Variants in ACTR5 observed in about 807,000 individuals in gnomAD.
The protein encoded by ACTR5 is actin related protein 5.
Under a neutral mutation model 61.2 loss-of-function variants are expected in ACTR5, and 43 were observed. The observed-to-expected ratio is 0.70, with a 90% CI of 0.55 to 0.91. The LOEUF is 0.91. ACTR5 is among the 40% of genes least tolerant of loss of function. The pLI is 0.00. For missense variants in ACTR5, 798 were observed against 782.2 expected (o/e 1.02, Z -0.24); for synonymous variants, 333 against 310.5 (o/e 1.07, Z -0.76).
At position 38,748,769 on chromosome 20, in the gene ACTR5, CT is replaced by C; in HGVS notation, c.293del (p.Phe98SerfsTer35). ...EPLRWMLRSP[F>X]DRNVPVNLEL... ...CACTGCGCTGGATGCTGCGCTCGCC[CT>C]TCGACCGCAACGTGCCGGTCAACCT... On this transcript the variant is annotated frameshift_variant, in exon 1 of 9. Transcript: ENST00000243903. LOFTEE classifies it high-confidence loss of function. The C allele has an allele frequency of 1.2e-6, 2 of 1,606,042 alleles. No individual in the cohort carries two copies. The highest frequency in any genetic ancestry group is 1.7e-6 in the Non-Finnish European group (2 of 1,177,714).
rs764874419 is a variant in ACTR5, at chr20:38,772,015, G to C, written c.*199G>C. 100 of 716,046 alleles carry C rather than the reference G, an allele frequency of 1.4e-4. No individual in the cohort carries two copies. The highest frequency in any genetic ancestry group is 2.1e-4 in the Non-Finnish European group (92 of 447,766). The allele number at this position is 716,046 out of a possible 1,614,324, so 44.4% of individuals were successfully genotyped here. Reference sequence around the variant, plus strand: ...GAATTCGGTTCACTTGGGGGCTTCTGTGGTAGAGACTAACTGGCCTTCTGA... The same window carrying C: ...GAATTCGGTTCACTTGGGGGCTTCTCTGGTAGAGACTAACTGGCCTTCTGA... On this transcript the variant is annotated 3_prime_UTR_variant, in exon 9 of 9. Coordinates refer to ENST00000243903, the MANE Select transcript of ACTR5 (RefSeq NM_024855.4).
Position 38,758,729 on chromosome 20 carries a change from CAG to C in ACTR5, c.1176+2693_1176+2694del, listed in dbSNP as rs1331966952. Among the ~76,000 whole-genome samples, 27 of 152,116 alleles carry C rather than the reference CAG, an allele frequency of 1.8e-4. 1 individual carries two copies. The highest frequency in any genetic ancestry group is 6.8e-3 in the Middle Eastern group (2 of 292). Reference sequence around the variant, plus strand: ...GCATTTTAGGGTAATTCTTAATGATCAGAGTCAATTACAGTCACATTTGTGGG... The same window carrying C: ...GCATTTTAGGGTAATTCTTAATGATCAGTCAATTACAGTCACATTTGTGGG... On this transcript the variant is annotated intron_variant, in intron 5 of 8. Transcript: ENST00000243903.
intron 3 of ACTR5, among the ~76,000 whole-genome samples, chr20:38,753,723 C>T (rs2084400592): frequency 6.6e-6 from 1 of 152,056 alleles, no homozygotes; most frequent in South Asian, 2.1e-4. Context: ...ATTCAGTCAA[C>T]CTCTATTTAA....
chr20:38,752,360 T>C (rs1601193911), intron 3 of ACTR5, 60 bp downstream of exon 3: 1 of 1,507,792 alleles, frequency 6.6e-7, no homozygotes, highest in Non-Finnish European at 8.9e-7. Context: ...ATTCCTTAAA[T>C]TATTGCCAGC....
chr20:38,756,068 C>G (rs991011901), intron 5 of ACTR5, 29 bp downstream of exon 5: 1 of 1,588,516 alleles, frequency 6.3e-7, no homozygotes, highest in East Asian at 2.2e-5. Flanking sequence ...AGGAGCAGCC[C>G]TTCTTGAGGG....
At chr20:38,768,052 A>G (rs193035476) in intron 8 of ACTR5, among the ~76,000 whole-genome samples, 68 of 152,304 alleles carry the variant, frequency 4.5e-4, no homozygotes, top group African/African-American at 1.3e-3. Context: ...CAGAGCCCAC[A>G]CTGCAGAGCC....
intron 2 of ACTR5, 98 bp from the exon 3 acceptor site, chr20:38,752,033 T>C: frequency 7.3e-7 from 1 of 1,369,488 alleles, no homozygotes; most frequent in Non-Finnish European, 1.0e-6. Flanking sequence ...CTGGTCTGTT[T>C]CTTCTTTATC....
In ACTR5 at chr20:38,772,169, TA is replaced by T. The variant is rs911928404; in HGVS notation, c.*361del. On this transcript the variant is annotated 3_prime_UTR_variant, in exon 9 of 9. Transcript: ENST00000243903. ...TACCACATTTTAGTCTTTCTTGTTT[TA>T]AAAAAAATTCTTTAAAATTTATCTT... 4 of 236,390 alleles carry T rather than the reference TA, an allele frequency of 1.7e-5. No homozygotes were observed. Among genetic ancestry groups the T allele is most frequent in the Non-Finnish European group, 2.5e-5 (3 of 120,332 alleles). 14.6% of individuals were successfully genotyped at this position (236,390 alleles called of 1,614,324 possible).
At chr20:38,771,244 A>T (rs866483752) in intron 8 of ACTR5, among the ~76,000 whole-genome samples, 1 of 152,152 alleles carries the variant, frequency 6.6e-6, no homozygotes, top group Non-Finnish European at 1.5e-5. Flanking sequence ...GCCAGCCTCC[A>T]CTTCACCTCT....
At chr20:38,758,035 A>T (rs1404268595) in intron 5 of ACTR5, among the ~76,000 whole-genome samples, 1 of 151,902 alleles carries the variant, frequency 6.6e-6, no homozygotes, top group African/African-American at 2.4e-5. Flanking sequence ...TTAGCAGGAC[A>T]TAGTTTTCTT....
intron 3 of ACTR5, among the ~76,000 whole-genome samples, chr20:38,752,935 T>A (rs374096893): frequency 2.6e-4 from 40 of 152,286 alleles, no homozygotes; most frequent in African/African-American, 9.6e-4. Flanking sequence ...TTTTTAATTG[T>A]GAAAACCATA....
intron 5 of ACTR5, among the ~76,000 whole-genome samples, chr20:38,757,359 C>T (rs2084426499): frequency 6.6e-6 from 1 of 152,166 alleles, no homozygotes; most frequent in Non-Finnish European, 1.5e-5. Context: ...AGAACTGAAA[C>T]AAAGAGTAAG....
intron 8 of ACTR5, among the ~76,000 whole-genome samples, chr20:38,769,507 T>C (rs1252050567): frequency 1.3e-5 from 2 of 152,178 alleles, no homozygotes; most frequent in Non-Finnish European, 2.9e-5. Flanking sequence ...AAATTCTAAG[T>C]GGAGCAACTA....
rs1477531740 is a variant in ACTR5, at chr20:38,771,800, C to T, written c.1808C>T (p.Ala603Val). The T allele has an allele frequency of 1.9e-6, 3 of 1,612,292 alleles. No individual in the cohort carries two copies. Among genetic ancestry groups the T allele is most frequent in the Non-Finnish European group, 2.5e-6 (3 of 1,179,672 alleles). The change falls in exon 9 of 9, where the codon GCT becomes GTT. Residue 603 changes from alanine to valine, a missense_variant. Physicochemically the swap from Ala to Val is moderately conservative, Grantham distance 64 (BLOSUM62 0). Coordinates refer to ENST00000243903, the MANE Select transcript of ACTR5 (RefSeq NM_024855.4). ...GGCTCCGCTGCTGGTGGAGGTGGTGCTGGTGAGCAGGCATAGCAGAGGCCC... is the reference window on the plus strand; with the variant it reads ...GGCTCCGCTGCTGGTGGAGGTGGTGTTGGTGAGCAGGCATAGCAGAGGCCC... ...SKGSAAGGGGAGEQA is the reference protein window; with the variant it reads ...SKGSAAGGGGVGEQA
rs893754617 is a variant in ACTR5 at position 38,772,384 on chromosome 20, G to A, written c.*568G>A. 2.5e-5 allele frequency: 4 copies of A among 158,216 alleles called. No homozygotes were observed. The highest frequency in any genetic ancestry group is 3.8e-4 in the South Asian group (2 of 5,262). The allele number at this position is 158,216 out of a possible 1,614,324, so 9.8% of individuals were successfully genotyped here. On this transcript the variant is annotated 3_prime_UTR_variant, in exon 9 of 9. Coordinates refer to ENST00000243903, the MANE Select transcript of ACTR5 (RefSeq NM_024855.4). ...TGGAGCTTAGGAGTTCGAGGCTATC[G>A]TGTGCTGTGATCGCACCTGTGAATA...
In ACTR5 at chr20:38,748,505, C is replaced by G; in HGVS notation, c.27C>G (p.Arg9=). 6.7e-7 allele frequency: 1 copy of G among 1,495,468 alleles called. No individual in the cohort carries two copies. The highest frequency in any genetic ancestry group is 8.9e-7 in the Non-Finnish European group (1 of 1,129,040). The allele number at this position is 1,495,468 out of a possible 1,614,324, so 92.6% of individuals were successfully genotyped here. A position where few individuals can be genotyped will look rare whatever the true frequency, so the allele number is the denominator to read the frequency against. ...TGGCGGCGAACGTGTTCCCGTTCCG[C>G]GACGCCCGTGCCGCACCGGACCCAG... is the stretch of plus-strand genomic sequence containing the variant. The part of the protein sequence containing the change: MAANVFPF[R]DARAAPDPVL... The change falls in exon 1 of 9, where the codon CGC becomes CGG. Residue 9 remains arginine (R), a synonymous_variant. Coordinates refer to ENST00000243903, the MANE Select transcript of ACTR5 (RefSeq NM_024855.4).
chr20:38,771,084 C>G (rs1265258632), intron 8 of ACTR5, among the ~76,000 whole-genome samples: 1 of 152,248 alleles, frequency 6.6e-6, no homozygotes, highest in Non-Finnish European at 1.5e-5. Context: ...TGCTGGCAGC[C>G]TCACAGAGAA....
At position 38,755,004 on chromosome 20, in the gene ACTR5, A is replaced by G; in HGVS notation, c.823A>G (p.Lys275Glu). 2 of 1,614,262 alleles carry G rather than the reference A, an allele frequency of 1.2e-6. No individual in the cohort carries two copies. The highest frequency in any genetic ancestry group is 2.2e-5 in the South Asian group (2 of 91,088). ...TGATTATTATGAGAATAATGTCCAC[A>G]AGATGCAGCTCCCATTTTCCAGCAA... Reference protein sequence around the residue: ...CPDYYENNVHKMQLPFSSKLL... With the variant: ...CPDYYENNVHEMQLPFSSKLL... The change falls in exon 4 of 9, where the codon AAG becomes GAG. Residue 275 changes from lysine (K) to glutamate (E), a missense_variant. By Grantham distance (56) the Lys-to-Glu change is moderately conservative. Coordinates refer to ENST00000243903, the MANE Select transcript of ACTR5 (RefSeq NM_024855.4).
At chr20:38,763,454 G>A (rs987389369) in intron 5 of ACTR5, among the ~76,000 whole-genome samples, 7 of 152,182 alleles carry the variant, frequency 4.6e-5, no homozygotes, top group Non-Finnish European at 8.8e-5. Flanking sequence ...TGCCTCAGCT[G>A]GTCTTGCTGC....
Sources: allele counts gnomAD v4.1 joint callset (sites outside exome capture counted in the v4.1 genomes callset), GRCh38; gene constraint gnomAD v4.1.1; transcripts MANE v1.5; gene names NCBI Gene and HGNC (gene_info 2026-07-23, HGNC 2026-07-21).